YLPM1: variants seen among roughly 807,000 people sequenced by gnomAD.
YLPM1 encodes YLP motif-containing protein 1.
A neutral mutation model predicts 230.0 loss-of-function variants in YLPM1; 99 were observed. The ratio of observed to expected loss-of-function variants is 0.43; its 90% CI spans 0.37 to 0.51. The LOEUF (loss-of-function observed/expected upper bound fraction) is 0.51, where lower values mean the gene tolerates loss of function less well. Among genes scored for constraint, YLPM1 ranks in the 20% least tolerant of loss-of-function variants. YLPM1 has a pLI of 0.00. For synonymous variants in YLPM1, 984 were observed against 942.5 expected (o/e 1.04, Z -0.81); for missense variants, 2,592 against 2,707.7 (o/e 0.96, Z 0.95).
Position 74,798,420 on chromosome 14 carries a change from C to T in YLPM1, c.3123C>T (p.Arg1041=), listed in dbSNP as rs534103561. The T allele has an allele frequency of 1.7e-5, 27 of 1,613,868 alleles. No homozygotes were observed. Among genetic ancestry groups the T allele is most frequent in the African/African-American group, 8.0e-5 (6 of 75,010 alleles). Residue 1041 remains arginine (R), a synonymous_variant, in exon 5 of 21, where the codon CGC becomes CGT. Coordinates refer to ENST00000325680, the MANE Select transcript of YLPM1 (RefSeq NM_019589.3). ...ATAAAGGTCTAGTAAACAGAGGTCG[C>T]GGCCAGGCAATCAGTCGAGGCCCAG... ...TRDKGLVNRG[R]GQAISRGPGL...
intron 9 of YLPM1, among the ~76,000 whole-genome samples, chr14:74,810,990 A>T (rs2091428792): frequency 6.7e-6 from 1 of 148,354 alleles, no homozygotes; most frequent in Non-Finnish European, 1.5e-5. Flanking sequence ...TGCCTGGCTA[A>T]TTTTTTTTTT....
At position 74,816,576 on chromosome 14, in the gene YLPM1, G is replaced by A. The variant is rs200986063; in HGVS notation, c.5571G>A (p.Lys1857=). ...CTTGACTGTATGATTCTTAGGATAAGGAGGTAGAATTTGGAGGACCTGCAC... is the reference window on the plus strand; with the variant it reads ...CTTGACTGTATGATTCTTAGGATAAAGAGGTAGAATTTGGAGGACCTGCAC... ...KTHVAKLIRD[K]EVEFGGPAPR... Residue 1857 remains lysine, a synonymous_variant, in exon 13 of 21, where the codon AAG becomes AAA. Transcript: ENST00000325680. The A allele has an allele frequency of 1.7e-5, 28 of 1,612,924 alleles. No individual in the cohort carries two copies. In the African/African-American group the frequency reaches 3.6e-4, roughly 21 times the overall value.
chr14:74,778,367 A>C lies in YLPM1; in HGVS notation c.874-80A>C, dbSNP rs902825702. ...CATATAGACACATGAACACAGACAT[A>C]AAGATAGGTCCTTGTCAACACCAAG... On this transcript the variant is annotated intron_variant, in intron 1 of 20. Coordinates refer to ENST00000325680, the MANE Select transcript of YLPM1 (RefSeq NM_019589.3). The C allele has an allele frequency of 8.0e-6, 10 of 1,250,948 alleles. No individual in the cohort carries two copies. The African/African-American group carries it at 1.5e-4, about 19-fold the overall frequency. The allele number at this position is 1,250,948 out of a possible 1,614,324, so 77.5% of individuals were successfully genotyped here.
intron 17 of YLPM1, among the ~76,000 whole-genome samples, chr14:74,823,200 C>G (rs575413039): frequency 2.5e-4 from 38 of 152,166 alleles, no homozygotes; most frequent in African/African-American, 8.4e-4. Context: ...CTTCAAAATG[C>G]TTTGTGACTT....
intron 18 of YLPM1, among the ~76,000 whole-genome samples, 184 bp from the exon 19 acceptor site, chr14:74,829,029 A>G (rs1426679331): frequency 6.6e-6 from 1 of 152,178 alleles, no homozygotes; most frequent in Non-Finnish European, 1.5e-5. Flanking sequence ...ATACCAAACA[A>G]TGGAAATTGC....
rs1342035288 is a variant in YLPM1, at chr14:74,821,195, G to T, written c.6111+58G>T. On this transcript the variant is annotated intron_variant, in intron 17 of 20. Coordinates refer to ENST00000325680, the MANE Select transcript of YLPM1 (RefSeq NM_019589.3). Reference sequence around the variant, plus strand: ...CTCTTTATTAAAATTCTTAAAGAAGGTTTAAATTCAGATCTGTGGTTAGAC... The same window carrying T: ...CTCTTTATTAAAATTCTTAAAGAAGTTTTAAATTCAGATCTGTGGTTAGAC... 5 of 1,494,192 alleles carry T rather than the reference G, an allele frequency of 3.3e-6. No homozygotes were observed. In the African/African-American group the frequency reaches 4.3e-5, roughly 13 times the overall value. The allele number at this position is 1,494,192 out of a possible 1,614,324, so 92.6% of individuals were successfully genotyped here. A position where few individuals can be genotyped will look rare whatever the true frequency, so the allele number is the denominator to read the frequency against.
In YLPM1 at chr14:74,782,103, C is replaced by T; in HGVS notation, c.2060C>T (p.Pro687Leu). Residue 687 changes from proline to leucine, a missense_variant, in exon 4 of 21, where the codon CCT (proline) becomes CTT (leucine). Around this residue, in one of 4 missense-constraint regions of YLPM1, gnomAD observed 1,862 missense variants for 1,819.8 expected, o/e 1.02. Coordinates refer to ENST00000325680, the MANE Select transcript of YLPM1 (RefSeq NM_019589.3). ...TCTGCCCCACCGACAACTTACCATC[C>T]TCCGTTGCAATCAGCTGGTCCATCA... ...FGSAPPTTYH[P>L]PLQSAGPSEQ... 1 of 1,613,982 alleles carries T rather than the reference C, an allele frequency of 6.2e-7. No homozygotes were observed. Among genetic ancestry groups the T allele is most frequent in the South Asian group, 1.1e-5 (1 of 91,076 alleles).
At chr14:74,769,168 C>T (rs550471316) in intron 1 of YLPM1, among the ~76,000 whole-genome samples, 13 of 150,902 alleles carry the variant, frequency 8.6e-5, no homozygotes, top group South Asian at 6.3e-4. Context: ...CTCCGCCTTC[C>T]GGGTTTAAGC....
chr14:74,832,721 C>G (rs1405569607), intron 19 of YLPM1, among the ~76,000 whole-genome samples: 1 of 152,182 alleles, frequency 6.6e-6, no homozygotes, highest in Admixed American at 6.5e-5. Context: ...GATCTGTCTG[C>G]TGCAGCCTCC....
At position 74,811,706 on chromosome 14, in the gene YLPM1, G is replaced by A. The variant is rs774706659; in HGVS notation, c.5315G>A (p.Arg1772Gln). The A allele has an allele frequency of 1.2e-5, 19 of 1,611,226 alleles. No homozygotes were observed. Among genetic ancestry groups the A allele is most frequent in the Admixed American group, 3.4e-5 (2 of 59,174 alleles). Residue 1772 changes from arginine (R) to glutamine (Q), a missense_variant, in exon 10 of 21, where the codon CGA (arginine) becomes CAA (glutamine). Arg to Gln is a conservative substitution (Grantham distance 43, BLOSUM62 1). Transcript: ENST00000325680. The stretch of plus-strand genomic sequence containing the variant: ...CCATCCTATGACCGGAAGTCTGACC[G>A]ACCAGTCTATGAAGGACCATCCATG... ...DRPSYDRKSD[R>Q]PVYEGPSMFG...
At chr14:74,770,742 A>G (rs2090970585) in intron 1 of YLPM1, among the ~76,000 whole-genome samples, 1 of 152,206 alleles carries the variant, frequency 6.6e-6, no homozygotes, top group South Asian at 2.1e-4. Context: ...TAGATCAGGG[A>G]AGGCCTGTAA....
chr14:74,783,096 G>A (rs538846825), intron 4 of YLPM1, among the ~76,000 whole-genome samples: 2 of 152,118 alleles, frequency 1.3e-5, no homozygotes, highest in African/African-American at 2.4e-5. Flanking sequence ...ACAGGGTCTC[G>A]GTTTTTCACC....
At chr14:74,774,430 G>C (rs1253808310) in intron 1 of YLPM1, among the ~76,000 whole-genome samples, 1 of 151,414 alleles carries the variant, frequency 6.6e-6, no homozygotes, top group Non-Finnish European at 1.5e-5. Context: ...TTTTGAGACG[G>C]AGTCTCGCTC....
intron 12 of YLPM1, 144 bp from the exon 13 acceptor site, chr14:74,816,427 T>C (rs1364555662): frequency 8.0e-7 from 1 of 1,253,666 alleles, no homozygotes; most frequent in Non-Finnish European, 1.1e-6. Context: ...TATATTTTTA[T>C]CTACTCAGAG....
intron 19 of YLPM1, among the ~76,000 whole-genome samples, chr14:74,832,860 A>G (rs533518232): frequency 6.6e-6 from 1 of 152,250 alleles, no homozygotes; most frequent in East Asian, 1.9e-4. Flanking sequence ...CTAATCCTAT[A>G]TTCTTTATTT....
chr14:74,816,500 A>G, intron 12 of YLPM1, 71 bp from the exon 13 acceptor site: 1 of 1,522,212 alleles, frequency 6.6e-7, no homozygotes, highest in Non-Finnish European at 8.8e-7. Flanking sequence ...TAGCCACAAG[A>G]GGGAACTTTG....
At chr14:74,771,831 G>A (rs1336699400) in intron 1 of YLPM1, among the ~76,000 whole-genome samples, 1 of 152,136 alleles carries the variant, frequency 6.6e-6, no homozygotes, top group Non-Finnish European at 1.5e-5. Context: ...GGAGCTGGAG[G>A]AATAGATGAA....
intron 1 of YLPM1, among the ~76,000 whole-genome samples, chr14:74,777,756 C>G (rs1290256965): frequency 6.6e-6 from 1 of 151,960 alleles, no homozygotes; most frequent in African/African-American, 2.4e-5. Flanking sequence ...AAGAGAATTG[C>G]TTGAGCCCAG....
In YLPM1 at chr14:74,797,819, A is replaced by T; in HGVS notation, c.2522A>T (p.Lys841Ile). Residue 841 changes from lysine (K) to isoleucine (I), a missense_variant, in exon 5 of 21, where the codon AAA (lysine) becomes ATA (isoleucine). By Grantham distance (102) the Lys-to-Ile change is moderately radical. This residue lies in a region of YLPM1 where 1,862 missense variants were observed against 1,819.8 expected (regional missense o/e 1.02). Transcript: ENST00000325680. The part of the protein sequence containing the change: ...RQSGPQWKGP[K>I]PAFGQQHQQQ... ...AGTGGACCACAGTGGAAAGGCCCCA[A>T]ACCAGCTTTTGGACAGCAGCATCAG... 1 of 1,613,960 alleles carries T rather than the reference A, an allele frequency of 6.2e-7. No homozygotes were observed. The highest frequency in any genetic ancestry group is 1.3e-5 in the African/African-American group (1 of 75,022).
Sources: gnomAD v4.1 joint callset for allele counts (sites outside exome capture counted in the v4.1 genomes callset) on GRCh38, gnomAD v4.1.1 for gene constraint, gnomAD v4.1.1 regional missense constraint, MANE v1.5 for transcripts, NCBI Gene and HGNC (gene_info 2026-07-23, HGNC 2026-07-21) for gene names.